Variants in ABCA13 observed in about 807,000 individuals in gnomAD.
ABCA13 encodes the protein ATP binding cassette subfamily A member 13, also known as ATP-binding cassette sub-family A member 13.
A neutral mutation model predicts 478.7 loss-of-function variants in ABCA13; 476 were observed. The observed-to-expected ratio is 0.99, with a 90% CI of 0.92 to 1.07. The LOEUF is 1.07. Among genes scored for constraint, ABCA13 ranks in the 50% least tolerant of loss-of-function variants. ABCA13 has a pLI of 0.00. For missense variants in ABCA13, 6,060 were observed against 5,910.6 expected, an observed-to-expected ratio of 1.03 and a Z score of -0.83; for synonymous variants, 2,252 against 2,158.9, an observed-to-expected ratio of 1.04 and a Z score of -1.20.
intron 48 of ABCA13, among the ~76,000 whole-genome samples, chr7:48,501,797 T>C (rs1263369718): frequency 6.6e-6 from 1 of 152,216 alleles, no homozygotes; most frequent in Non-Finnish European, 1.5e-5. Context: ...TTCTATGTTA[T>C]GCTGTCATTG....
intron 51 of ABCA13, among the ~76,000 whole-genome samples, chr7:48,513,949 G>A (rs144403200): frequency 9.9e-4 from 151 of 152,242 alleles, no homozygotes; most frequent in Admixed American, 1.6e-3. Flanking sequence ...TTAGGACAAT[G>A]TCTCTGATTC....
chr7:48,258,741 G>A (rs932672282), intron 15 of ABCA13, among the ~76,000 whole-genome samples: 10 of 151,984 alleles, frequency 6.6e-5, no homozygotes, highest in East Asian at 1.9e-4. Context: ...TTTTTGATGC[G>A]GGTGTTTAGT....
At position 48,373,754 on chromosome 7, in the gene ABCA13, C is replaced by T. The variant is rs191064443; in HGVS notation, c.11134-593C>T. On this transcript the variant is annotated intron_variant, in intron 33 of 61. Transcript: ENST00000435803. ...TTAATTTTACTTCAGTCATTATATT[C>T]GTGGGTTCTGTGCACATAAAATTTG... is the stretch of plus-strand genomic sequence containing the variant. Among the ~76,000 whole-genome samples, 64 of 152,228 alleles carry T rather than the reference C, an allele frequency of 4.2e-4. No individual in the cohort carries two copies. The South Asian group carries it at 0.011, about 26-fold the overall frequency.
Position 48,192,918 on chromosome 7 carries a change from C to T in ABCA13, c.70-41C>T, listed in dbSNP as rs1175180348. Reference sequence around the variant, plus strand: ...GAGATGAAAATATTGTAATACCTTACAATTTATTCAGGTGATTTTTTTTTT... The same window carrying T: ...GAGATGAAAATATTGTAATACCTTATAATTTATTCAGGTGATTTTTTTTTT... On this transcript the variant is annotated intron_variant, in intron 1 of 61. Coordinates refer to ENST00000435803, the MANE Select transcript of ABCA13 (RefSeq NM_152701.5). 3 of 1,387,946 alleles carry T rather than the reference C, an allele frequency of 2.2e-6. No individual in the cohort carries two copies. In the South Asian group the frequency reaches 4.0e-5, roughly 19 times the overall value. The allele number at this position is 1,387,946 out of a possible 1,614,324, so 86.0% of individuals were successfully genotyped here. A position where few individuals can be genotyped will look rare whatever the true frequency, so the allele number is the denominator to read the frequency against.
chr7:48,308,458 T>C (rs1226679547), intron 23 of ABCA13, among the ~76,000 whole-genome samples: 1 of 152,220 alleles, frequency 6.6e-6, no homozygotes, highest in East Asian at 1.9e-4. Context: ...CACTATTATG[T>C]ACTGTACATA....
intron 16 of ABCA13, among the ~76,000 whole-genome samples, chr7:48,271,536 CA>C (rs1351207374): frequency 1.3e-5 from 2 of 151,924 alleles, no homozygotes; most frequent in African/African-American, 4.8e-5. Context: ...TTAAATATGC[CA>C]GGGGAAAATA....
chr7:48,466,997 G>A lies in ABCA13; in HGVS notation c.12857G>A (p.Arg4286Gln), dbSNP rs374724171. ...DNLDLTRVLL[R>Q]KFRDQDLPCA... ...TTGGACCTCACCCGTGTGCTTCTGC[G>A]GAAGTTTAGAGATCAAGATTTGCCC... The change falls in exon 44 of 62, where the codon CGG becomes CAG. Residue 4286 changes from arginine to glutamine, a missense_variant. Transcript: ENST00000435803. 6.1e-5 allele frequency: 98 copies of A among 1,613,810 alleles called. No individual in the cohort carries two copies. Among genetic ancestry groups the A allele is most frequent in the East Asian group, 2.5e-4 (11 of 44,878 alleles).
At chr7:48,434,966 CA>C (rs1030404404) in intron 42 of ABCA13, among the ~76,000 whole-genome samples, 5 of 151,742 alleles carry the variant, frequency 3.3e-5, no homozygotes, top group African/African-American at 1.2e-4. Context: ...TCATATTTAT[CA>C]ATATTGTTTT....
intron 58 of ABCA13, chr7:48,603,679 C>T (rs28853432): frequency 0.23 from 44,637 of 192,098 alleles, 5,883 homozygotes; most frequent in Admixed American, 0.35. Context: ...GGGATATTGG[C>T]CTAAAATTTT....
At chr7:48,480,392 C>A (rs931351746) in intron 45 of ABCA13, among the ~76,000 whole-genome samples, 1 of 152,236 alleles carries the variant, frequency 6.6e-6, no homozygotes, top group Admixed American at 6.5e-5. Flanking sequence ...GACTCAGAGA[C>A]AGAGTCGTTT....
chr7:48,311,561 T>C (rs1197180816), intron 24 of ABCA13, among the ~76,000 whole-genome samples: 1 of 152,184 alleles, frequency 6.6e-6, no homozygotes, highest in Non-Finnish European at 1.5e-5. Context: ...AAGTAAGTGC[T>C]TGTAGAGGCC....
chr7:48,603,984 A>T (rs1396256826), intron 58 of ABCA13: 1 of 152,136 alleles, frequency 6.6e-6, no homozygotes, highest in Non-Finnish European at 1.5e-5. Flanking sequence ...TCAGTAATTT[A>T]TCCATTTCTC....
At chr7:48,410,488 C>T in intron 39 of ABCA13, 32 bp from the exon 40 acceptor site, 1 of 1,613,722 alleles carries the variant, frequency 6.2e-7, no homozygotes, top group Non-Finnish European at 8.5e-7. Context: ...CTTTGTCCTC[C>T]TGGTGCTGAT....
At chr7:48,405,538 C>T (rs181483413) in intron 39 of ABCA13, among the ~76,000 whole-genome samples, 12 of 152,282 alleles carry the variant, frequency 7.9e-5, no homozygotes, top group East Asian at 3.9e-4. Flanking sequence ...TTAAACTGGA[C>T]GAAACAATTT....
chr7:48,308,940 G>T (rs1361801927), intron 23 of ABCA13, among the ~76,000 whole-genome samples: 1 of 144,034 alleles, frequency 6.9e-6, no homozygotes, highest in East Asian at 2.0e-4. Flanking sequence ...CATCTAGGAT[G>T]CTGTAAGTGC....
intron 58 of ABCA13, among the ~76,000 whole-genome samples, chr7:48,610,712 CTG>C (rs1167218251): frequency 6.6e-6 from 1 of 152,234 alleles, no homozygotes; most frequent in Non-Finnish European, 1.5e-5. Flanking sequence ...CTCTTGCCCT[CTG>C]TGCATCCGCA....
At chr7:48,570,559 G>T (rs1000200604) in intron 55 of ABCA13, among the ~76,000 whole-genome samples, 35 of 151,618 alleles carry the variant, frequency 2.3e-4, no homozygotes, top group African/African-American at 7.5e-4. Context: ...TCCTCACCTC[G>T]TGATCCACCC....
intron 27 of ABCA13, among the ~76,000 whole-genome samples, chr7:48,331,212 AAG>A (rs1276953993): frequency 6.6e-6 from 1 of 152,252 alleles, no homozygotes; most frequent in East Asian, 1.9e-4. Context: ...AGCTGCAAGT[AAG>A]AGAGGAATAA....
intron 1 of ABCA13, among the ~76,000 whole-genome samples, chr7:48,182,651 C>G (rs1795844012): frequency 6.6e-6 from 1 of 152,108 alleles, no homozygotes; most frequent in Non-Finnish European, 1.5e-5. Flanking sequence ...AAAAACAACC[C>G]TACTCCTCAC....
Sources: gnomAD v4.1 joint callset for allele counts (sites outside exome capture counted in the v4.1 genomes callset) on GRCh38, gnomAD v4.1.1 for gene constraint, MANE v1.5 for transcripts, NCBI Gene and HGNC (gene_info 2026-07-23, HGNC 2026-07-21) for gene names.